Variants in ZMYND8 observed in about 807,000 individuals in gnomAD.
The protein encoded by ZMYND8 is MYND-type zinc finger-containing chromatin reader ZMYND8.
In ZMYND8, 37 loss-of-function variants were observed where a neutral mutation model predicts 140.8. That is an observed-to-expected ratio of 0.26 (90% confidence interval 0.20 to 0.35). The LOEUF is 0.35. ZMYND8 is among the 10% of genes least tolerant of loss of function. The pLI is 1.00. For missense variants in ZMYND8, 1,068 were observed against 1,570.0 expected (o/e 0.68, Z 5.40); for synonymous variants, 592 against 597.1 (o/e 0.99, Z 0.12).
intron 16 of ZMYND8, among the ~76,000 whole-genome samples, chr20:47,232,368 A>AAAAT (rs3084712): frequency 0.085 from 12,743 of 149,084 alleles, 901 homozygotes; most frequent in South Asian, 0.19. Context: ...CCTTGTCTCA[A>AAAAT]AAATAAATAA....
At position 47,243,287 on chromosome 20, in the gene ZMYND8, A is replaced by T. The variant is rs573607984; in HGVS notation, c.2284+2721T>A. Among the ~76,000 whole-genome samples, 331 of 152,354 alleles carry T rather than the reference A, an allele frequency of 2.2e-3. 3 individuals carry two copies. The Middle Eastern group carries it at 0.034, about 16-fold the overall frequency. On this transcript the variant is annotated intron_variant, in intron 14 of 22. Transcript: ENST00000471951. ...AAAAGATGCTCTCTAGCGGAGTCTG[A>T]CACGAGAATTTTTCAAGACCCAAAC...
At chr20:47,270,860 G>A (rs6018382) in intron 11 of ZMYND8, among the ~76,000 whole-genome samples, 2,057 of 151,912 alleles carry the variant, frequency 0.014, 32 homozygotes, top group South Asian at 0.045. Flanking sequence ...GGCAGATCAC[G>A]AGGTCAGGAG....
At chr20:47,231,930 C>T (rs2147091382) in intron 16 of ZMYND8, among the ~76,000 whole-genome samples, 1 of 152,364 alleles carries the variant, frequency 6.6e-6, no homozygotes, top group South Asian at 2.1e-4. Context: ...GCAAAGACTT[C>T]AACATCGGTA....
chr20:47,269,363 G>A (rs1351924223), intron 11 of ZMYND8, among the ~76,000 whole-genome samples: 1 of 152,210 alleles, frequency 6.6e-6, no homozygotes, highest in Non-Finnish European at 1.5e-5. Context: ...GAATTATCTG[G>A]CCTTAAATGT....
chr20:47,337,578 C>T (rs1263735400), intron 2 of ZMYND8, among the ~76,000 whole-genome samples: 1 of 152,132 alleles, frequency 6.6e-6, no homozygotes, highest in Non-Finnish European at 1.5e-5. Flanking sequence ...TCATCTGAGC[C>T]TCAGTTTCCT....
intron 3 of ZMYND8, among the ~76,000 whole-genome samples, chr20:47,308,219 G>GT (rs1330667811): frequency 0.081 from 10,435 of 128,664 alleles, 977 homozygotes; most frequent in African/African-American, 0.22. Context: ...TGGACGTGAG[G>GT]TTTTTTTTTT....
In ZMYND8 at chr20:47,249,377, G is replaced by T. The variant is rs749490002; in HGVS notation, c.1684C>A (p.Pro562Thr). 5 of 1,613,996 alleles carry T rather than the reference G, an allele frequency of 3.1e-6. No individual in the cohort carries two copies. In the South Asian group the frequency reaches 5.5e-5, roughly 18 times the overall value. The change falls in exon 13 of 23, where the codon CCT becomes ACT. Residue 562 changes from proline (P) to threonine (T), a missense_variant. Transcript: ENST00000471951. ...CGCTTGGGAGAGATGAGAGGAACAG[G>T]GGTGGACTGTTGCTGGACCGACTCG... ...LSESVQQQST[P>T]VPLISPKRQI... is the part of the protein sequence containing the mutation.
rs1416564981 is a variant in ZMYND8, at chr20:47,340,182, C to T, written c.85+7674G>A. ...GTCTCAAACTCCTGACCTCATGATC[C>T]GCCTCTCAAAGTGCTTGGCCTCCCA... On this transcript the variant is annotated intron_variant, in intron 2 of 22. Transcript: ENST00000471951. 3.3e-5 allele frequency among the ~76,000 whole-genome samples: 5 copies of T among 152,080 alleles called. No homozygotes were observed. The East Asian group carries it at 7.7e-4, about 24-fold the overall frequency.
chr20:47,297,050 C>T (rs1320539172), intron 4 of ZMYND8, among the ~76,000 whole-genome samples: 1 of 152,114 alleles, frequency 6.6e-6, no homozygotes, highest in Non-Finnish European at 1.5e-5. Context: ...AAAAGTTGGC[C>T]AAGACTAAAG....
chr20:47,268,309 TTC>T (rs2075686415), intron 11 of ZMYND8, among the ~76,000 whole-genome samples: 1 of 146,544 alleles, frequency 6.8e-6, no homozygotes, highest in Admixed American at 6.8e-5. Context: ...TTTTTTTTTT[TTC>T]AGAAGGGAGT....
At chr20:47,326,960 G>A (rs1413261997) in intron 2 of ZMYND8, among the ~76,000 whole-genome samples, 1 of 152,148 alleles carries the variant, frequency 6.6e-6, no homozygotes, top group Non-Finnish European at 1.5e-5. Flanking sequence ...TAGCAACCTG[G>A]TTTGAAGTGA....
chr20:47,279,307 T>G (rs934169049), intron 10 of ZMYND8, among the ~76,000 whole-genome samples: 2 of 151,840 alleles, frequency 1.3e-5, no homozygotes, highest in African/African-American at 4.8e-5. Flanking sequence ...CCATCTCTAC[T>G]AAAAATGGAA....
chr20:47,262,515 T>C, intron 11 of ZMYND8, 87 bp from the exon 12 acceptor site: 1 of 1,545,974 alleles, frequency 6.5e-7, no homozygotes, highest in South Asian at 1.2e-5. Flanking sequence ...AATGGAGAGA[T>C]TATGAAATTG....
Position 47,310,343 on chromosome 20 carries a change from T to C in ZMYND8, c.86-139A>G, listed in dbSNP as rs1427848604. 1.1e-5 allele frequency: 10 copies of C among 927,012 alleles called. No homozygotes were observed. In the East Asian group the frequency reaches 2.3e-4, roughly 21 times the overall value. The allele number at this position is 927,012 out of a possible 1,614,324, so 57.4% of individuals were successfully genotyped here. On this transcript the variant is annotated intron_variant, in intron 2 of 22. Transcript: ENST00000471951. ...CCCGAAGCCACTTCAGTGTTCCTCC[T>C]CCCAGAATATACGTGCCCCCTTCTT...
At chr20:47,261,261 G>T (rs2075131513) in intron 12 of ZMYND8, among the ~76,000 whole-genome samples, 1 of 152,014 alleles carries the variant, frequency 6.6e-6, no homozygotes, top group Non-Finnish European at 1.5e-5. Context: ...AATGGGCCAG[G>T]TGCAGTGACT....
At position 47,291,862 on chromosome 20, in the gene ZMYND8, T is replaced by A; in HGVS notation, c.594A>T (p.Pro198=). Reference sequence around the variant, plus strand: ...CCGCATAGTCAGGGTGCTGTTCCAATGGAACGGGCTTCTGGAATGCATCTG... The same window carrying A: ...CCGCATAGTCAGGGTGCTGTTCCAAAGGAACGGGCTTCTGGAATGCATCTG... The part of the protein sequence containing the change: ...PGTDAFQKPV[P]LEQHPDYAEY... Residue 198 remains proline (P), a synonymous_variant, in exon 6 of 23, where the codon CCA becomes CCT. Transcript: ENST00000471951. 1.2e-6 allele frequency: 2 copies of A among 1,613,164 alleles called. No homozygotes were observed. Among genetic ancestry groups the A allele is most frequent in the Non-Finnish European group, 1.7e-6 (2 of 1,179,578 alleles).
intron 10 of ZMYND8, among the ~76,000 whole-genome samples, 193 bp downstream of exon 10, chr20:47,281,909 C>T (rs2076629003): frequency 6.6e-6 from 1 of 152,164 alleles, no homozygotes; most frequent in African/African-American, 2.4e-5. Flanking sequence ...TTCTAACACA[C>T]CTGAGAAAAC....
At chr20:47,271,961 G>A (rs1310742249) in intron 11 of ZMYND8, among the ~76,000 whole-genome samples, 1 of 151,052 alleles carries the variant, frequency 6.6e-6, no homozygotes, top group East Asian at 2.0e-4. Flanking sequence ...GGAATTACAG[G>A]CATGAGCCAC....
chr20:47,275,405 A>T (rs1166741273), intron 11 of ZMYND8, among the ~76,000 whole-genome samples: 1 of 151,934 alleles, frequency 6.6e-6, no homozygotes, highest in African/African-American at 2.4e-5. Context: ...GAGGAACGAC[A>T]ATCACTTGAA....
Sources: allele counts gnomAD v4.1 joint callset (sites outside exome capture counted in the v4.1 genomes callset), GRCh38; gene constraint gnomAD v4.1.1; transcripts MANE v1.5; gene names NCBI Gene and HGNC (gene_info 2026-07-23, HGNC 2026-07-21).